ZNF146: variants seen among roughly 807,000 people sequenced by gnomAD.
The protein encoded by ZNF146 is zinc finger protein OZF.
A neutral mutation model predicts 22.2 loss-of-function variants in ZNF146; 9 were observed. That is an observed-to-expected ratio of 0.41 (90% CI 0.24 to 0.71). ZNF146 has a LOEUF of 0.71. Ranked by LOEUF, ZNF146 falls within the 30% of genes least tolerant of loss-of-function variation. ZNF146 has a pLI of 0.34. For synonymous variants in ZNF146, 108 were observed against 119.2 expected (o/e 0.91, Z 0.61); for missense variants, 194 against 344.8 (o/e 0.56, Z 3.46).
Position 36,237,013 on chromosome 19 carries a change from A to C in ZNF146, c.573A>C (p.Lys191Asn). The C allele has an allele frequency of 6.2e-7, 1 of 1,614,202 alleles. No individual in the cohort carries two copies. The highest frequency in any genetic ancestry group is 8.5e-7 in the Non-Finnish European group (1 of 1,180,024). ...EKPYECNECG[K>N]AFSQRTSLIV... Reference sequence around the variant, plus strand: ...CCTATGAATGTAACGAATGTGGAAAAGCCTTCTCTCAGCGAACATCACTTA... The same window carrying C: ...CCTATGAATGTAACGAATGTGGAAACGCCTTCTCTCAGCGAACATCACTTA... Residue 191 changes from lysine (K) to asparagine (N), a missense_variant, in exon 4 of 4, where the codon AAA becomes AAC. Physicochemically the swap from Lys to Asn is moderately conservative, Grantham distance 94 (BLOSUM62 0). Transcript: ENST00000443387.
Position 36,236,695 on chromosome 19 carries a change from A to G in ZNF146, c.255A>G (p.Glu85=), listed in dbSNP as rs1977657014. 2 of 1,614,110 alleles carry G rather than the reference A, an allele frequency of 1.2e-6. No individual in the cohort carries two copies. The highest frequency in any genetic ancestry group is 1.7e-6 in the Non-Finnish European group (2 of 1,180,048). Residue 85 remains glutamate (E), a synonymous_variant, in exon 4 of 4, where the codon GAA becomes GAG. Coordinates refer to ENST00000443387, the MANE Select transcript of ZNF146 (RefSeq NM_007145.3). ...GTGGAAAATCATTTAGCCAGAAGGA[A>G]AACCTCCTTACGCACCAGAAAATTC... ...NECGKSFSQK[E]NLLTHQKIHT...
At chr19:36,217,501 CTT>C (rs1976661152) in intron 1 of ZNF146, among the ~76,000 whole-genome samples, 1 of 152,026 alleles carries the variant, frequency 6.6e-6, no homozygotes, top group African/African-American at 2.4e-5. Context: ...GGAGGAAGCT[CTT>C]TATATACTGA....
chr19:36,220,952 C>T (rs1360721186), intron 2 of ZNF146, among the ~76,000 whole-genome samples: 4 of 151,380 alleles, frequency 2.6e-5, no homozygotes, highest in African/African-American at 4.9e-5. Context: ...TCCCCAGTTC[C>T]AGCGATTCTC....
chr19:36,223,956 A>C (rs1976969886), intron 2 of ZNF146, among the ~76,000 whole-genome samples: 1 of 152,132 alleles, frequency 6.6e-6, no homozygotes, highest in African/African-American at 2.4e-5. Context: ...TCAGAGCAAT[A>C]GTTTTTTTAA....
chr19:36,222,778 CTT>C (rs55668684), intron 2 of ZNF146, among the ~76,000 whole-genome samples: 5,834 of 100,682 alleles, frequency 0.058, 115 homozygotes, highest in Middle Eastern at 0.12. Context: ...TGAGTGGTGG[CTT>C]TTTTTTTTTT....
At chr19:36,230,598 C>T (rs537916795) in intron 3 of ZNF146, among the ~76,000 whole-genome samples, 2 of 151,986 alleles carry the variant, frequency 1.3e-5, no homozygotes, top group African/African-American at 4.8e-5. Flanking sequence ...AGATCATTAG[C>T]CAGAAGGAAC....
chr19:36,228,299 T>A (rs1977172036), intron 2 of ZNF146, among the ~76,000 whole-genome samples: 2 of 152,224 alleles, frequency 1.3e-5, no homozygotes, highest in Non-Finnish European at 2.9e-5. Context: ...GTGCTTTAGT[T>A]CTGATGGGAA....
chr19:36,237,337 T>C lies in ZNF146; in HGVS notation c.*18T>C. On this transcript the variant is annotated 3_prime_UTR_variant, in exon 4 of 4. Coordinates refer to ENST00000443387, the MANE Select transcript of ZNF146 (RefSeq NM_007145.3). ...CTCACTAAAAACCCCATGAAAGCCT[T>C]GAAAGTGGGAAAGCTTTCATTAGAA... 6.4e-7 allele frequency: 1 copy of C among 1,567,152 alleles called. No homozygotes were observed. The highest frequency in any genetic ancestry group is 8.6e-7 in the Non-Finnish European group (1 of 1,158,240).
At chr19:36,221,478 C>T (rs1038020203) in intron 2 of ZNF146, among the ~76,000 whole-genome samples, 12 of 151,768 alleles carry the variant, frequency 7.9e-5, no homozygotes, top group Non-Finnish European at 1.0e-4. Flanking sequence ...TTAGTAGAGA[C>T]GAGGTTTCAC....
Position 36,235,675 on chromosome 19 carries a change from T to A in ZNF146, c.-766T>A, listed in dbSNP as rs1234798936. On this transcript the variant is annotated 5_prime_UTR_variant, in exon 4 of 4. An upstream start codon of the reference 5' UTR is lost. Transcript: ENST00000443387. The stretch of plus-strand genomic sequence containing the variant: ...CCATTTTAGAAGAAGCCTGAGAAGA[T>A]GATGCACAGATAGAGAGGCACCAGG... 2 of 152,194 alleles carry A rather than the reference T, an allele frequency of 1.3e-5. No individual in the cohort carries two copies. The highest frequency in any genetic ancestry group is 4.8e-5 in the African/African-American group (2 of 41,416). The allele number at this position is 152,194 out of a possible 1,614,324, so 9.4% of individuals were successfully genotyped here.
At chr19:36,235,298 T>C (rs1977605573) in intron 3 of ZNF146, among the ~76,000 whole-genome samples, 2 of 152,290 alleles carry the variant, frequency 1.3e-5, no homozygotes, top group Middle Eastern at 3.4e-3. Flanking sequence ...TTTCTTCTAT[T>C]TGGCAATTCT....
chr19:36,222,926 G>C (rs1200205948), intron 2 of ZNF146, among the ~76,000 whole-genome samples: 1 of 150,802 alleles, frequency 6.6e-6, no homozygotes, highest in East Asian at 2.0e-4. Flanking sequence ...CTTAGAATGA[G>C]CCCCCTGTGG....
chr19:36,237,211 G>A lies in ZNF146; in HGVS notation c.771G>A (p.Leu257=), dbSNP rs376656386. The change falls in exon 4 of 4, where the codon CTG becomes CTA. Residue 257 remains leucine, a synonymous_variant. Coordinates refer to ENST00000443387, the MANE Select transcript of ZNF146 (RefSeq NM_007145.3). The part of the protein sequence containing the change: ...KAFSQFSTLA[L]HLRIHTGKKP... ...TCTCTCAGTTCTCAACCCTTGCTCT[G>A]CATTTGAGAATACACACAGGTAAGA... 44 of 1,614,098 alleles carry A rather than the reference G, an allele frequency of 2.7e-5. 1 individual carries two copies. The highest frequency in any genetic ancestry group is 2.7e-4 in the African/African-American group (20 of 75,024).
chr19:36,236,310 G>A lies in ZNF146; in HGVS notation c.-131G>A, dbSNP rs118146634. 0.014 allele frequency: 15,436 copies of A among 1,067,456 alleles called. 161 individuals are homozygous for A. The highest frequency in any genetic ancestry group is 0.022 in the Middle Eastern group (101 of 4,618). 66.1% of individuals were successfully genotyped at this position (1,067,456 alleles called of 1,614,324 possible). The stretch of plus-strand genomic sequence containing the variant: ...AACCTTATCCCTTACTCTGCATTTG[G>A]GAGATCATACACAGAGAAGCCTTAT... On this transcript the variant is annotated 5_prime_UTR_variant, in exon 4 of 4. An upstream open reading frame in the 5' UTR gains an earlier in-frame stop. Coordinates refer to ENST00000443387, the MANE Select transcript of ZNF146 (RefSeq NM_007145.3).
In ZNF146 at chr19:36,238,566, T is replaced by C. The variant is rs1977731006; in HGVS notation, c.*1247T>C. 3 of 167,080 alleles carry C rather than the reference T, an allele frequency of 1.8e-5. No individual in the cohort carries two copies. Among genetic ancestry groups the C allele is most frequent in the African/African-American group, 7.2e-5 (3 of 41,452 alleles). The allele number at this position is 167,080 out of a possible 1,614,324, so 10.3% of individuals were successfully genotyped here. ...TATTTTTTGTACTTTTCTGTATTTT[T>C]AAAATTTCTCAAAATAGGAATGGGA... On this transcript the variant is annotated 3_prime_UTR_variant, in exon 4 of 4. Transcript: ENST00000443387.
chr19:36,226,062 G>A (rs1030247646), intron 2 of ZNF146, among the ~76,000 whole-genome samples: 1 of 152,150 alleles, frequency 6.6e-6, no homozygotes, highest in Non-Finnish European at 1.5e-5. Flanking sequence ...GAGCCACTGC[G>A]TCCAGCCCAC....
chr19:36,222,813 A>G (rs1402972020), intron 2 of ZNF146, among the ~76,000 whole-genome samples: 1 of 106,094 alleles, frequency 9.4e-6, no homozygotes, highest in Admixed American at 1.0e-4. Flanking sequence ...TTTCATTTGC[A>G]TTTGGACATT....
In ZNF146 at chr19:36,235,917, G is replaced by A. The variant is rs1285194063; in HGVS notation, c.-524G>A. ...GAATCATCAAGGGACTTAGTTGGGAGCTTCTCTACCACAGCTTACTCCTTA... is the reference window on the plus strand; with the variant it reads ...GAATCATCAAGGGACTTAGTTGGGAACTTCTCTACCACAGCTTACTCCTTA... On this transcript the variant is annotated 5_prime_UTR_variant, in exon 4 of 4. Transcript: ENST00000443387. The A allele has an allele frequency of 6.6e-6, 1 of 152,458 alleles. No individual in the cohort carries two copies. The allele number at this position is 152,458 out of a possible 1,614,324, so 9.4% of individuals were successfully genotyped here. A position where few individuals can be genotyped will look rare whatever the true frequency, so the allele number is the denominator to read the frequency against.
intron 3 of ZNF146, among the ~76,000 whole-genome samples, chr19:36,235,214 A>G (rs1473881536): frequency 2.8e-5 from 4 of 141,470 alleles, no homozygotes; most frequent in African/African-American, 8.3e-5. Flanking sequence ...TCTCAAAAAA[A>G]AAAAAAGAAG....
Sources: allele counts gnomAD v4.1 joint callset (sites outside exome capture counted in the v4.1 genomes callset), GRCh38; gene constraint gnomAD v4.1.1; transcripts MANE v1.5; gene names NCBI Gene and HGNC (gene_info 2026-07-23, HGNC 2026-07-21).